Variants in MTERF4 observed in about 807,000 individuals in gnomAD.
The protein encoded by MTERF4 is mitochondrial transcription termination factor 4, also known as transcription termination factor 4, mitochondrial.
Under a neutral mutation model 22.5 loss-of-function variants are expected in MTERF4, and 17 were observed. The observed-to-expected ratio is 0.75, with a 90% CI of 0.52 to 1.13. The LOEUF is 1.13. Ranked by LOEUF, MTERF4 falls within the 50% of genes most tolerant of loss-of-function variation. The pLI is 0.00. For synonymous variants in MTERF4, 165 were observed against 175.3 expected (o/e 0.94, Z 0.47); for missense variants, 420 against 466.8 (o/e 0.90, Z 0.92).
chr2:241,048,302 G>T, the MTERF4 span: 3 of 1,587,642 alleles, frequency 1.9e-6, no homozygotes, highest in Non-Finnish European at 2.6e-6. Flanking sequence ...GGTGACTGCC[G>T]TCTTTCTTGC....
intron 1 of MTERF4, 25 bp downstream of exon 1, chr2:241,102,228 G>T: frequency 6.5e-7 from 1 of 1,548,614 alleles, no homozygotes; most frequent in Non-Finnish European, 8.7e-7. Flanking sequence ...ACCCGGAGAA[G>T]CCCGCGCGCC....
chr2:241,068,037 G>A (rs375681073), downstream of MTERF4: 137 of 1,213,750 alleles, frequency 1.1e-4, no homozygotes, highest in South Asian at 3.2e-4. This position sits in a 1 kb window ranked among gnomAD's most constrained non-coding sequence, Gnocchi z 5.3. Context: ...CACATTCTCC[G>A]TGTGTGGACT....
At chr2:241,046,044 T>A in the MTERF4 span, among the ~76,000 whole-genome samples, 2 of 152,092 alleles carry the variant, frequency 1.3e-5, no homozygotes, top group African/African-American at 4.8e-5. Flanking sequence ...TGGAGGTGAA[T>A]AAACGGATGG....
At chr2:241,045,820 T>G in the MTERF4 span, among the ~76,000 whole-genome samples, 1 of 151,812 alleles carries the variant, frequency 6.6e-6, no homozygotes, top group Non-Finnish European at 1.5e-5. Flanking sequence ...TTCATCAAAA[T>G]TTAAAACTTT....
chr2:241,088,717 G>A, downstream of MTERF4: 1 of 378,662 alleles, frequency 2.6e-6, no homozygotes, highest in Non-Finnish European at 4.7e-6. Context: ...TGCAGTGGGA[G>A]GAAGAGGCAG....
At chr2:241,087,157 A>T, downstream of MTERF4, 1 of 494,460 alleles carries the variant, frequency 2.0e-6, no homozygotes, top group Non-Finnish European at 3.6e-6. Flanking sequence ...CAGAATGCAC[A>T]TTAAAATGGG....
chr2:241,069,451 C>T (rs937618595), downstream of MTERF4, among the ~76,000 whole-genome samples: 6 of 152,150 alleles, frequency 3.9e-5, no homozygotes, highest in African/African-American at 4.8e-5. The surrounding 1 kb of genome is among the most constrained non-coding windows in gnomAD (Gnocchi z 4.9). Context: ...GGACAGTCAG[C>T]GCGCAGGGGA....
At chr2:241,050,435 G>A in the MTERF4 span, among the ~76,000 whole-genome samples, 3 of 152,098 alleles carry the variant, frequency 2.0e-5, no homozygotes, top group Non-Finnish European at 4.4e-5. Flanking sequence ...CCCCAGACCT[G>A]TTCAGCATCT....
At chr2:241,093,293 T>C (rs1374617306), downstream of MTERF4, 1 of 152,638 alleles carries the variant, frequency 6.6e-6, no homozygotes, top group Non-Finnish European at 1.5e-5. Context: ...CTGGGACCTG[T>C]CACTGTTTGT....
At chr2:241,092,553 G>C (rs1388132335), downstream of MTERF4, 1 of 152,156 alleles carries the variant, frequency 6.6e-6, no homozygotes, top group Non-Finnish European at 1.5e-5. This position sits in a 1 kb window ranked among gnomAD's most constrained non-coding sequence, Gnocchi z 4.6. Context: ...GGGTATCAAA[G>C]AAAGACCCCT....
At chr2:241,057,163 G>C in the MTERF4 span, among the ~76,000 whole-genome samples, 1 of 151,542 alleles carries the variant, frequency 6.6e-6, no homozygotes, top group Non-Finnish European at 1.5e-5. Flanking sequence ...AGGATCACCT[G>C]AGGTCAGGAG....
At chr2:241,070,131 T>C (rs2062634146), downstream of MTERF4, 3 of 1,612,216 alleles carry the variant, frequency 1.9e-6, no homozygotes, top group Non-Finnish European at 2.5e-6. Flanking sequence ...ACCAGCTCTC[T>C]GTGATAGCAG....
chr2:241,084,726 T>A (rs1222073408), downstream of MTERF4, among the ~76,000 whole-genome samples: 2 of 152,198 alleles, frequency 1.3e-5, no homozygotes, highest in Admixed American at 6.5e-5. Flanking sequence ...CACTCTTCAT[T>A]CCTTTTTGTA....
chr2:241,094,392 A>C (rs1192768319), downstream of MTERF4: 1 of 471,240 alleles, frequency 2.1e-6, no homozygotes, highest in Admixed American at 2.3e-5. The surrounding 1 kb of genome is among the most constrained non-coding windows in gnomAD (Gnocchi z 4.3). Flanking sequence ...TTTGCAAAAC[A>C]AAAGTCTTTT....
At chr2:241,056,229 A>C in the MTERF4 span, among the ~76,000 whole-genome samples, 1 of 152,224 alleles carries the variant, frequency 6.6e-6, no homozygotes, top group Admixed American at 6.5e-5. Flanking sequence ...AAAAAGTAAC[A>C]AAATAGAAAA....
the MTERF4 span, among the ~76,000 whole-genome samples, chr2:241,047,785 GTC>G: frequency 0.072 from 10,946 of 151,726 alleles, 1,001 homozygotes; most frequent in East Asian, 0.27. Context: ...ATCCTGGGTG[GTC>G]TCTCTGGTGT....
At chr2:241,053,295 C>T in the MTERF4 span, 16 of 1,596,936 alleles carry the variant, frequency 1.0e-5, no homozygotes, top group East Asian at 2.2e-5. Flanking sequence ...GCCAGCCACA[C>T]GGTGTCTGGA....
the MTERF4 span, among the ~76,000 whole-genome samples, chr2:241,049,589 A>G: frequency 6.6e-6 from 1 of 152,198 alleles, no homozygotes; most frequent in Admixed American, 6.5e-5. Flanking sequence ...CCTGCCTCGT[A>G]GAAGACGGAA....
the MTERF4 span, chr2:241,048,872 G>A: frequency 1.7e-6 from 2 of 1,201,192 alleles, no homozygotes; most frequent in Non-Finnish European, 1.2e-6. Context: ...GTCGACCATT[G>A]GTTCTACCCC....
Sources: allele counts gnomAD v4.1 joint callset (sites outside exome capture counted in the v4.1 genomes callset), GRCh38; gene constraint gnomAD v4.1.1; non-coding constraint Gnocchi (gnomAD v3.1); transcripts MANE v1.5; gene names NCBI Gene and HGNC (gene_info 2026-07-23, HGNC 2026-07-21).